DGKI: variants seen among roughly 807,000 people sequenced by gnomAD.
DGKI encodes diacylglycerol kinase iota.
Under a neutral mutation model 147.5 loss-of-function variants are expected in DGKI, and 55 were observed. The ratio of observed to expected loss-of-function variants is 0.37; its 90% CI spans 0.30 to 0.47. The LOEUF is 0.47. Ranked by LOEUF, DGKI falls within the 20% of genes least tolerant of loss-of-function variation. The pLI is 1.00. For synonymous variants in DGKI, 469 were observed against 477.1 expected, an observed-to-expected ratio of 0.98 and a Z score of 0.22; for missense variants, 1,007 against 1,323.8, an observed-to-expected ratio of 0.76 and a Z score of 3.71.
chr7:137,395,183 T>C (rs1360052365), intron 32 of DGKI, among the ~76,000 whole-genome samples: 1 of 152,210 alleles, frequency 6.6e-6, no homozygotes, highest in African/African-American at 2.4e-5. Flanking sequence ...TAAGGGGCCA[T>C]ATAAATCATA....
chr7:137,384,205 A>G lies in DGKI; in HGVS notation c.*7015T>C, dbSNP rs947606915. 19 of 152,004 alleles carry G rather than the reference A, an allele frequency of 1.2e-4. No individual in the cohort carries two copies. The highest frequency in any genetic ancestry group is 4.6e-4 in the African/African-American group (19 of 41,436). 9.4% of individuals were successfully genotyped at this position (152,004 alleles called of 1,614,324 possible). On this transcript the variant is annotated 3_prime_UTR_variant, in exon 33 of 33. Transcript: ENST00000614521. ...TTTTTAAATGCTGAGAATCACAAAT[A>G]AGTTAAAGAAGCCATTAACGCTCAC... is the stretch of plus-strand genomic sequence containing the variant.
chr7:137,724,447 T>A (rs922812896), intron 1 of DGKI, among the ~76,000 whole-genome samples: 8 of 152,224 alleles, frequency 5.3e-5, no homozygotes, highest in African/African-American at 1.9e-4. Flanking sequence ...TTTAACAAGC[T>A]ACTACAACAG....
At chr7:137,832,562 G>A (rs1018740419) in intron 1 of DGKI, among the ~76,000 whole-genome samples, 9 of 152,246 alleles carry the variant, frequency 5.9e-5, no homozygotes, top group Admixed American at 1.3e-4. Flanking sequence ...CACAGAGCAA[G>A]AGGTCCCTGG....
chr7:137,818,019 A>G (rs1055217253), intron 1 of DGKI, among the ~76,000 whole-genome samples: 1 of 152,212 alleles, frequency 6.6e-6, no homozygotes, highest in Non-Finnish European at 1.5e-5. Context: ...ACTATCAATG[A>G]CATTGTCTTA....
At chr7:137,460,821 T>C (rs890433254) in intron 27 of DGKI, among the ~76,000 whole-genome samples, 3 of 152,188 alleles carry the variant, frequency 2.0e-5, no homozygotes, top group African/African-American at 7.2e-5. Flanking sequence ...AAGAAAGATA[T>C]AATGCAAATA....
chr7:137,526,409 C>T (rs989246668), intron 20 of DGKI, among the ~76,000 whole-genome samples: 1 of 148,490 alleles, frequency 6.7e-6, no homozygotes, highest in Non-Finnish European at 1.5e-5. Context: ...CTCACTAAGC[C>T]GACAGGTTTA....
chr7:137,719,975 C>A lies in DGKI; in HGVS notation c.402-29973G>T, dbSNP rs77095975. Reference sequence around the variant, plus strand: ...GACCCCTCTCAAAACAGCATGATTACGTGCAGGATAAGAATCTAAAGAAGG... The same window carrying A: ...GACCCCTCTCAAAACAGCATGATTAAGTGCAGGATAAGAATCTAAAGAAGG... On this transcript the variant is annotated intron_variant, in intron 1 of 32. Coordinates refer to ENST00000614521, the MANE Select transcript of DGKI (RefSeq NM_001321708.2). Among the ~76,000 whole-genome samples the A allele has an allele frequency of 5.5e-3, 835 of 152,228 alleles. 9 individuals are homozygous for A. Among genetic ancestry groups the A allele is most frequent in the African/African-American group, 0.018 (766 of 41,538 alleles).
chr7:137,688,733 A>G (rs999094986), intron 2 of DGKI, among the ~76,000 whole-genome samples: 3 of 152,204 alleles, frequency 2.0e-5, no homozygotes, highest in Admixed American at 1.3e-4. Flanking sequence ...TAATTATGCA[A>G]ACACTGGTGC....
intron 28 of DGKI, among the ~76,000 whole-genome samples, chr7:137,441,076 T>A (rs1011873652): frequency 3.9e-5 from 6 of 152,160 alleles, no homozygotes; most frequent in African/African-American, 1.4e-4. Flanking sequence ...TGCTTCCTCT[T>A]CTACTGCCTG....
At chr7:137,643,517 A>G (rs934125078) in intron 6 of DGKI, among the ~76,000 whole-genome samples, 1 of 152,158 alleles carries the variant, frequency 6.6e-6, no homozygotes, top group Non-Finnish European at 1.5e-5. Flanking sequence ...TAATTGTTTG[A>G]GTCTTGAAGA....
intron 28 of DGKI, among the ~76,000 whole-genome samples, chr7:137,441,193 G>T (rs567901927): frequency 6.6e-6 from 1 of 152,014 alleles, no homozygotes; most frequent in Non-Finnish European, 1.5e-5. Flanking sequence ...GGCCGAGGTG[G>T]GCGAATCGAG....
intron 1 of DGKI, among the ~76,000 whole-genome samples, chr7:137,698,665 G>A (rs1275979592): frequency 6.6e-6 from 1 of 152,138 alleles, no homozygotes; most frequent in East Asian, 1.9e-4. Context: ...GAAGCCCTGT[G>A]GGCAGCAAAC....
chr7:137,764,514 C>G (rs1454712552), intron 1 of DGKI, among the ~76,000 whole-genome samples: 2 of 152,162 alleles, frequency 1.3e-5, no homozygotes, highest in East Asian at 3.9e-4. Flanking sequence ...CACCCGACTT[C>G]TCTTGTGCTG....
intron 19 of DGKI, among the ~76,000 whole-genome samples, chr7:137,570,855 C>A (rs375411681): frequency 1.3e-5 from 2 of 152,250 alleles, no homozygotes; most frequent in East Asian, 1.9e-4. Context: ...TCCCAAAGTG[C>A]TGGGATTACA....
At chr7:137,564,953 C>A (rs1818534819) in intron 19 of DGKI, among the ~76,000 whole-genome samples, 1 of 152,256 alleles carries the variant, frequency 6.6e-6, no homozygotes, top group Non-Finnish European at 1.5e-5. Flanking sequence ...TACTAAATCA[C>A]TTCTCATCCA....
intron 1 of DGKI, among the ~76,000 whole-genome samples, chr7:137,738,761 G>C (rs2116697566): frequency 7.1e-6 from 1 of 140,646 alleles, no homozygotes; most frequent in African/African-American, 2.6e-5. Context: ...CGATTTACTA[G>C]ATACTCATTG....
At chr7:137,493,376 C>T (rs907180829) in intron 21 of DGKI, among the ~76,000 whole-genome samples, 2 of 152,198 alleles carry the variant, frequency 1.3e-5, no homozygotes, top group Admixed American at 6.5e-5. Flanking sequence ...TGTCATCACA[C>T]TGCTGTTGCT....
At chr7:137,556,330 A>C (rs569719577) in intron 19 of DGKI, among the ~76,000 whole-genome samples, 1 of 152,222 alleles carries the variant, frequency 6.6e-6, no homozygotes, top group East Asian at 1.9e-4. Context: ...CAGCAACGAA[A>C]GTTTTCAACA....
chr7:137,451,395 A>G (rs1813949847), intron 27 of DGKI, among the ~76,000 whole-genome samples: 2 of 152,342 alleles, frequency 1.3e-5, no homozygotes, highest in South Asian at 2.1e-4. Flanking sequence ...ACAGCACTCT[A>G]TCTAAACTCA....
Sources: allele counts gnomAD v4.1 joint callset (sites outside exome capture counted in the v4.1 genomes callset), GRCh38; gene constraint gnomAD v4.1.1; transcripts MANE v1.5; gene names NCBI Gene and HGNC (gene_info 2026-07-23, HGNC 2026-07-21).